The following CUL5 variants were observed in gnomAD, a reference collection of about 807,000 sequenced individuals.
The protein encoded by CUL5 is cullin-5.
CUL5 carries 26 observed loss-of-function variants against 108.8 expected under a neutral mutation model. The observed-to-expected ratio is 0.24, with a 90% CI of 0.18 to 0.33. The LOEUF (loss-of-function observed/expected upper bound fraction) is 0.33. Ranked by LOEUF, CUL5 falls within the 10% of genes least tolerant of loss-of-function variation. The probability of loss-of-function intolerance (pLI) is 1.00; values close to 1 mark genes in which losing one functional copy is unlikely to be tolerated. For synonymous variants in CUL5, 334 were observed against 298.0 expected (o/e 1.12, Z -1.25); for missense variants, 524 against 909.2 (o/e 0.58, Z 5.45).
At chr11:108,047,957 T>C (rs1200670785) in intron 3 of CUL5, among the ~76,000 whole-genome samples, 2 of 152,150 alleles carry the variant, frequency 1.3e-5, no homozygotes, top group East Asian at 1.9e-4. Flanking sequence ...AGGGGAGGGT[T>C]TCACGGTAAC....
At position 108,105,314 on chromosome 11, in the gene CUL5, C is replaced by T. The variant is rs866827886; in HGVS notation, c.*930C>T. 2 of 152,228 alleles carry T rather than the reference C, an allele frequency of 1.3e-5. No individual in the cohort carries two copies. The highest frequency in any genetic ancestry group is 4.8e-5 in the African/African-American group (2 of 41,386). The allele number at this position is 152,228 out of a possible 1,614,324, so 9.4% of individuals were successfully genotyped here. A position where few individuals can be genotyped will look rare whatever the true frequency, so the allele number is the denominator to read the frequency against. ...AATTTATTAAAAACAACACAGAAAT[C>T]TCCTGCTCTGATATAGTTATGTAAC... On this transcript the variant is annotated 3_prime_UTR_variant, in exon 19 of 19. Transcript: ENST00000393094.
At chr11:108,079,249 A>G (rs1318041174) in intron 11 of CUL5, among the ~76,000 whole-genome samples, 3 of 152,098 alleles carry the variant, frequency 2.0e-5, no homozygotes, top group South Asian at 2.1e-4. Flanking sequence ...GATTACAGGC[A>G]CACACCACCA....
At chr11:108,052,837 T>C in intron 5 of CUL5, 36 bp downstream of exon 5, 1 of 1,560,702 alleles carries the variant, frequency 6.4e-7, no homozygotes, top group Non-Finnish European at 8.7e-7. Flanking sequence ...AATTTCTGTT[T>C]CATGGAAATT....
At chr11:108,040,063 G>A (rs1391802241) in intron 2 of CUL5, among the ~76,000 whole-genome samples, 6 of 152,136 alleles carry the variant, frequency 3.9e-5, no homozygotes, top group South Asian at 2.1e-4. Context: ...TTTTCCTGTC[G>A]CTTCTGTCTG....
intron 13 of CUL5, among the ~76,000 whole-genome samples, chr11:108,090,304 C>G (rs1273607467): frequency 6.6e-6 from 1 of 151,884 alleles, no homozygotes; most frequent in East Asian, 1.9e-4. Flanking sequence ...CTGGCTAACA[C>G]AGTGAAACCC....
intron 1 of CUL5, among the ~76,000 whole-genome samples, chr11:108,020,889 C>A (rs537415445): frequency 1.3e-5 from 2 of 152,352 alleles, no homozygotes; most frequent in African/African-American, 4.8e-5. Context: ...TACTCACTCA[C>A]TGACTCACCT....
At chr11:108,091,424 C>A (rs1397570766) in intron 13 of CUL5, among the ~76,000 whole-genome samples, 1 of 151,592 alleles carries the variant, frequency 6.6e-6, no homozygotes, top group African/African-American at 2.4e-5. Context: ...GGCATGGTGG[C>A]TCACACCTGT....
chr11:108,094,302 TAAGA>T, intron 13 of CUL5, 85 bp from the exon 14 acceptor site: 1 of 974,074 alleles, frequency 1.0e-6, no homozygotes, highest in Non-Finnish European at 1.5e-6. Flanking sequence ...TTAAAACATT[TAAGA>T]CTTAGTTTTT....
chr11:108,040,344 G>T (rs1485685502), intron 2 of CUL5, among the ~76,000 whole-genome samples: 1 of 152,126 alleles, frequency 6.6e-6, no homozygotes, highest in Admixed American at 6.5e-5. Flanking sequence ...GGGTGTGGTG[G>T]CTCATGCCGG....
intron 2 of CUL5, among the ~76,000 whole-genome samples, chr11:108,044,258 T>A (rs964673110): frequency 7.9e-5 from 12 of 152,110 alleles, no homozygotes; most frequent in African/African-American, 2.9e-4. Flanking sequence ...GGCTCATGCC[T>A]ATATGCTGGC....
chr11:108,024,693 C>A (rs1008514722), intron 1 of CUL5, among the ~76,000 whole-genome samples: 1 of 152,032 alleles, frequency 6.6e-6, no homozygotes, highest in Admixed American at 6.6e-5. Context: ...TAAGGAAAAT[C>A]AAAAGAAGTC....
chr11:108,094,880 T>C lies in CUL5; in HGVS notation c.1636T>C (p.Ser546Pro). The part of the protein sequence containing the change: ...WSRSSEKVFV[S>P]LPTELEDLIP... ...AAGAAGTTCTGAGAAAGTCTTTGTCTCACTTCCTACTGAACTGGAGGACTT... is the reference window on the plus strand; with the variant it reads ...AAGAAGTTCTGAGAAAGTCTTTGTCCCACTTCCTACTGAACTGGAGGACTT... The change falls in exon 15 of 19, where the codon TCA becomes CCA. Residue 546 changes from serine (S) to proline (P), a missense_variant. Ser to Pro is a moderately conservative substitution (Grantham distance 74). Transcript: ENST00000393094. 6.2e-7 allele frequency: 1 copy of C among 1,613,142 alleles called. No individual in the cohort carries two copies. Among genetic ancestry groups the C allele is most frequent in the Non-Finnish European group, 8.5e-7 (1 of 1,179,442 alleles).
At chr11:108,020,075 C>A in intron 1 of CUL5, among the ~76,000 whole-genome samples, 1 of 152,248 alleles carries the variant, frequency 6.6e-6, no homozygotes, top group Middle Eastern at 3.4e-3. Flanking sequence ...GAGGGATCCA[C>A]CACCATGACC....
intron 3 of CUL5, among the ~76,000 whole-genome samples, chr11:108,049,455 C>A (rs532351112): frequency 6.6e-6 from 1 of 152,094 alleles, no homozygotes; most frequent in South Asian, 2.1e-4. Context: ...AATCCTCCCA[C>A]CTCAACCTCC....
intron 3 of CUL5, among the ~76,000 whole-genome samples, chr11:108,046,992 C>G (rs1268370213): frequency 6.6e-6 from 1 of 152,004 alleles, no homozygotes; most frequent in Non-Finnish European, 1.5e-5. Context: ...GAGGAGGACC[C>G]TAAGGACGTG....
intron 1 of CUL5, among the ~76,000 whole-genome samples, chr11:108,011,775 A>G (rs1003255402): frequency 6.6e-6 from 1 of 152,020 alleles, no homozygotes; most frequent in Non-Finnish European, 1.5e-5. Flanking sequence ...CTACAGGCGC[A>G]CGCCACCACG....
intron 2 of CUL5, among the ~76,000 whole-genome samples, chr11:108,040,611 CAAAAAAAAAAA>C (rs71047667): frequency 1.8e-5 from 2 of 112,712 alleles, no homozygotes; most frequent in African/African-American, 3.7e-5. Context: ...GACTCCGTCT[CAAAAAAAAAAA>C]AAAAAAAAAA....
Position 108,095,369 on chromosome 11 carries a change from G to A in CUL5, c.1744-161G>A, listed in dbSNP as rs375207902. Among the ~76,000 whole-genome samples, 22 of 152,334 alleles carry A rather than the reference G, an allele frequency of 1.4e-4. No homozygotes were observed. The South Asian group carries it at 2.7e-3, about 19-fold the overall frequency. The stretch of plus-strand genomic sequence containing the variant: ...TTACATGGAAAGCTGGGAGATGAGC[G>A]TGTATTCTGGGCAGTCATTAACGTC... On this transcript the variant is annotated intron_variant, in intron 15 of 18. Coordinates refer to ENST00000393094, the MANE Select transcript of CUL5 (RefSeq NM_003478.6).
At chr11:108,093,851 C>T (rs1038684999) in intron 13 of CUL5, among the ~76,000 whole-genome samples, 1 of 152,138 alleles carries the variant, frequency 6.6e-6, no homozygotes, top group African/African-American at 2.4e-5. Context: ...GGCAGTATGC[C>T]GCCATATCCT....
Sources: allele counts gnomAD v4.1 joint callset (sites outside exome capture counted in the v4.1 genomes callset), GRCh38; gene constraint gnomAD v4.1.1; transcripts MANE v1.5; gene names NCBI Gene and HGNC (gene_info 2026-07-23, HGNC 2026-07-21).